KATNBL1: variants seen among roughly 807,000 people sequenced by gnomAD.
The protein encoded by KATNBL1 is katanin regulatory subunit B1 like 1.
A neutral mutation model predicts 44.7 loss-of-function variants in KATNBL1; 28 were observed. The observed-to-expected ratio is 0.63, with a 90% CI of 0.46 to 0.86. KATNBL1 has a LOEUF of 0.86. KATNBL1 is among the 40% of genes least tolerant of loss of function. The pLI is 0.00. For missense variants in KATNBL1, 272 were observed against 350.7 expected, an observed-to-expected ratio of 0.78 and a Z score of 1.79; for synonymous variants, 78 against 114.9, an observed-to-expected ratio of 0.68 and a Z score of 2.06.
At chr15:34,145,154 A>G (rs1888269412) in intron 9 of KATNBL1, 5 of 1,289,634 alleles carry the variant, frequency 3.9e-6, no homozygotes, top group Non-Finnish European at 5.0e-6. Context: ...AACCCTCTGT[A>G]AATATCCTCT....
chr15:34,184,313 A>C (rs926941619), intron 1 of KATNBL1, among the ~76,000 whole-genome samples: 11 of 151,148 alleles, frequency 7.3e-5, no homozygotes, highest in African/African-American at 2.4e-4. Flanking sequence ...CTCAAAAAAA[A>C]AAAATTAGCT....
chr15:34,149,158 T>C (rs556731940), intron 4 of KATNBL1, among the ~76,000 whole-genome samples: 13 of 152,344 alleles, frequency 8.5e-5, no homozygotes, highest in Non-Finnish European at 1.5e-4. Context: ...TGTTAAGTAA[T>C]GAAGTGTCAT....
intron 2 of KATNBL1, among the ~76,000 whole-genome samples, chr15:34,156,974 C>T (rs1185373480): frequency 6.6e-6 from 1 of 152,138 alleles, no homozygotes; most frequent in African/African-American, 2.4e-5. Context: ...GAAGGCAAGA[C>T]TCTCAGTTTA....
intron 1 of KATNBL1, among the ~76,000 whole-genome samples, chr15:34,191,723 G>A (rs112274443): frequency 0.21 from 31,345 of 151,826 alleles, 4,077 homozygotes; most frequent in African/African-American, 0.37. Context: ...CGAGGTGGGC[G>A]GATCACGAGG....
At position 34,148,076 on chromosome 15, in the gene KATNBL1, C is replaced by T. The variant is rs186954398; in HGVS notation, c.557+556G>A. The stretch of plus-strand genomic sequence containing the variant: ...TTGCTATGTTGCTCAGTCTCTCACT[C>T]CTGGGCTCAAGGGACTCTCTCACCT... On this transcript the variant is annotated intron_variant, in intron 5 of 9. Coordinates refer to ENST00000256544, the MANE Select transcript of KATNBL1 (RefSeq NM_024713.3). 3.0e-3 allele frequency among the ~76,000 whole-genome samples: 450 copies of T among 152,152 alleles called. 5 individuals are homozygous for T. Among genetic ancestry groups the T allele is most frequent in the African/African-American group, 0.01 (432 of 41,510 alleles).
At position 34,184,025 on chromosome 15, in the gene KATNBL1, C is replaced by T. The variant is rs528851748; in HGVS notation, c.-14-20335G>A. Among the ~76,000 whole-genome samples the T allele has an allele frequency of 1.1e-3, 173 of 152,064 alleles. 8 individuals are homozygous for T. Among genetic ancestry groups the T allele is most frequent in the Non-Finnish European group, 8.4e-4 (57 of 68,014 alleles). ...CTCTACTAAAAACACAAAAAACTGC[C>T]GGGCGCAGTGGCTCACGCCTGTAAT... On this transcript the variant is annotated intron_variant, in intron 1 of 9. Transcript: ENST00000256544.
chr15:34,143,572 T>A (rs1385812696), intron 9 of KATNBL1, among the ~76,000 whole-genome samples: 1 of 151,768 alleles, frequency 6.6e-6, no homozygotes, highest in Non-Finnish European at 1.5e-5. Flanking sequence ...TAGAGCAAGG[T>A]AATACGTCAT....
At chr15:34,187,597 C>G (rs1281503356) in intron 1 of KATNBL1, among the ~76,000 whole-genome samples, 1 of 152,188 alleles carries the variant, frequency 6.6e-6, no homozygotes, top group Non-Finnish European at 1.5e-5. Context: ...ACATAAATCA[C>G]AGCAGGACCA....
chr15:34,205,410 G>A (rs1321603181), intron 1 of KATNBL1, among the ~76,000 whole-genome samples: 2 of 152,190 alleles, frequency 1.3e-5, no homozygotes, highest in African/African-American at 4.8e-5. Flanking sequence ...ATTATATTAA[G>A]TGTAGCACAG....
At chr15:34,185,186 T>C (rs1267942975) in intron 1 of KATNBL1, among the ~76,000 whole-genome samples, 4 of 151,720 alleles carry the variant, frequency 2.6e-5, no homozygotes. Flanking sequence ...CCCAGACTGA[T>C]CTCAAACTCC....
rs150672082 is a variant in KATNBL1, at chr15:34,206,507, T to C, written c.-15+3444A>G. 1.6e-3 allele frequency among the ~76,000 whole-genome samples: 242 copies of C among 152,230 alleles called. 1 individual carries two copies. Among genetic ancestry groups the C allele is most frequent in the African/African-American group, 5.4e-3 (226 of 41,540 alleles). ...TTGAACCTGGCAAAGAAAAGTCAAATTACGCCGGGCATGGTGGCTCACGCC... is the reference window on the plus strand; with the variant it reads ...TTGAACCTGGCAAAGAAAAGTCAAACTACGCCGGGCATGGTGGCTCACGCC... On this transcript the variant is annotated intron_variant, in intron 1 of 9. Transcript: ENST00000256544.
intron 4 of KATNBL1, among the ~76,000 whole-genome samples, chr15:34,150,010 C>T (rs1757177503): frequency 6.6e-6 from 1 of 152,174 alleles, no homozygotes; most frequent in African/African-American, 2.4e-5. Flanking sequence ...CTTGTACAGA[C>T]ACTTTTGTTA....
chr15:34,178,970 A>C (rs552381360), intron 1 of KATNBL1, among the ~76,000 whole-genome samples: 2 of 152,292 alleles, frequency 1.3e-5, no homozygotes, highest in East Asian at 3.9e-4. Context: ...GATCAGGTTA[A>C]AAAAAGAAGG....
chr15:34,145,520 G>T, intron 8 of KATNBL1, 29 bp from the exon 9 acceptor site: 1 of 1,396,000 alleles, frequency 7.2e-7, no homozygotes, highest in Non-Finnish European at 9.3e-7. Flanking sequence ...AGAAAAATGA[G>T]AAAGCAAATA....
chr15:34,147,019 T>C, intron 7 of KATNBL1, 169 bp from the exon 8 acceptor site: 1 of 641,754 alleles, frequency 1.6e-6, no homozygotes, highest in East Asian at 2.7e-5. Context: ...TGTAATTTGT[T>C]TAGAGATGCT....
intron 4 of KATNBL1, among the ~76,000 whole-genome samples, chr15:34,149,104 G>T (rs1333737851): frequency 6.6e-6 from 1 of 152,162 alleles, no homozygotes; most frequent in Non-Finnish European, 1.5e-5. Context: ...CAAAAACTCA[G>T]TTTTTGACAA....
intron 1 of KATNBL1, among the ~76,000 whole-genome samples, chr15:34,189,959 T>G (rs1889826356): frequency 1.3e-5 from 2 of 152,040 alleles, no homozygotes. Context: ...TTTTTTTTTT[T>G]TTTGAGACAG....
chr15:34,188,136 G>GCAAAAA (rs1394136257), intron 1 of KATNBL1, among the ~76,000 whole-genome samples: 1 of 6,574 alleles, frequency 1.5e-4, no homozygotes, highest in Non-Finnish European at 4.4e-4. Flanking sequence ...AAGACGCCAT[G>GCAAAAA]TAAAAAAAAA....
chr15:34,167,428 C>T (rs1031305274), intron 1 of KATNBL1, among the ~76,000 whole-genome samples: 6 of 151,992 alleles, frequency 3.9e-5, no homozygotes, highest in Non-Finnish European at 4.4e-5. Flanking sequence ...AACAAAGCCT[C>T]CAAGAAACAT....
Sources: allele counts gnomAD v4.1 joint callset (sites outside exome capture counted in the v4.1 genomes callset), GRCh38; gene constraint gnomAD v4.1.1; transcripts MANE v1.5; gene names NCBI Gene and HGNC (gene_info 2026-07-23, HGNC 2026-07-21).